CFAP44: variants seen among roughly 807,000 people sequenced by gnomAD.
CFAP44 encodes cilia and flagella associated protein 44.
CFAP44 carries 134 observed loss-of-function variants against 216.2 expected under a neutral mutation model. The ratio of observed to expected loss-of-function variants is 0.62; its 90% CI spans 0.54 to 0.72. CFAP44 has a LOEUF of 0.72. Ranked by LOEUF, CFAP44 falls within the 30% of genes least tolerant of loss-of-function variation. CFAP44 has a pLI of 0.00. For missense variants in CFAP44, 2,035 were observed against 2,182.1 expected (o/e 0.93, Z 1.34); for synonymous variants, 700 against 727.6 (o/e 0.96, Z 0.61).
At chr3:113,398,207 G>A (rs1446169181) in intron 13 of CFAP44, among the ~76,000 whole-genome samples, 2 of 152,186 alleles carry the variant, frequency 1.3e-5, no homozygotes, top group African/African-American at 4.8e-5. Flanking sequence ...AAACAGTCTA[G>A]TGGGAAGACA....
At chr3:113,324,214 A>G (rs1288022007) in intron 28 of CFAP44, among the ~76,000 whole-genome samples, 1 of 152,160 alleles carries the variant, frequency 6.6e-6, no homozygotes, top group East Asian at 1.9e-4. Flanking sequence ...TCCATGCAAG[A>G]TCTTCCAGAA....
chr3:113,324,084 C>A (rs1264270998), intron 28 of CFAP44, among the ~76,000 whole-genome samples: 1 of 147,430 alleles, frequency 6.8e-6, no homozygotes. Flanking sequence ...ATTTGAACAA[C>A]CCTATAACTA....
intron 31 of CFAP44, 122 bp from the exon 32 acceptor site, chr3:113,304,239 T>C (rs1178641444): frequency 4.2e-6 from 4 of 953,632 alleles, no homozygotes; most frequent in Non-Finnish European, 6.1e-6. Flanking sequence ...TTTGGGCTTC[T>C]ACGTCTTCCT....
intron 6 of CFAP44, 92 bp from the exon 7 acceptor site, chr3:113,409,414 G>A: frequency 1.7e-6 from 2 of 1,149,820 alleles, no homozygotes; most frequent in Middle Eastern, 2.4e-4. Flanking sequence ...GTCAGCCCAT[G>A]GTGATGTAAG....
At position 113,379,453 on chromosome 3, in the gene CFAP44, A is replaced by G; in HGVS notation, c.2151T>C (p.Asp717=). The change falls in exon 17 of 35, where the codon GAT becomes GAC. Residue 717 remains aspartate (D), a synonymous_variant. Coordinates refer to ENST00000393845, the MANE Select transcript of CFAP44 (RefSeq NM_001164496.2). ...CCTCCTCCTGAAATTCTTTTTCTCC[A>G]TCTTCTCCCATCTCTGCTGCTAGCT... ...RNKLAAEMGE[D]GEKEFQEEEE... is the part of the protein sequence containing the mutation. 1 of 1,611,152 alleles carries G rather than the reference A, an allele frequency of 6.2e-7. No homozygotes were observed. The highest frequency in any genetic ancestry group is 8.5e-7 in the Non-Finnish European group (1 of 1,177,720).
intron 2 of CFAP44, among the ~76,000 whole-genome samples, chr3:113,429,369 T>C (rs1344463289): frequency 6.6e-6 from 1 of 152,170 alleles, no homozygotes; most frequent in Non-Finnish European, 1.5e-5. Flanking sequence ...TTGATCCTTT[T>C]ACCCTTATGT....
chr3:113,365,851 G>A (rs1473195249), intron 19 of CFAP44, among the ~76,000 whole-genome samples, 188 bp downstream of exon 19: 1 of 151,710 alleles, frequency 6.6e-6, no homozygotes, highest in Non-Finnish European at 1.5e-5. Context: ...TAATAATAAG[G>A]GGAATGTAAT....
intron 34 of CFAP44, chr3:113,293,950 GC>G: frequency 4.4e-6 from 2 of 455,826 alleles, no homozygotes; most frequent in South Asian, 3.1e-5. Flanking sequence ...CTTAGCACCT[GC>G]ATTTTAAACA....
intron 4 of CFAP44, 95 bp downstream of exon 4, chr3:113,426,029 G>C: frequency 7.0e-7 from 1 of 1,430,960 alleles, no homozygotes; most frequent in Non-Finnish European, 9.5e-7. Flanking sequence ...AAACAGGTGG[G>C]AAGGCACATT....
intron 5 of CFAP44, chr3:113,417,194 G>A (rs1215812380): frequency 2.6e-5 from 4 of 152,202 alleles, no homozygotes; most frequent in African/African-American, 7.2e-5. Flanking sequence ...TTCATGGAAT[G>A]TATGGGATTC....
chr3:113,328,695 T>TAAAAAAAAAAA lies in CFAP44; in HGVS notation c.4117-877_4117-876insTTTTTTTTTTT, dbSNP rs1950210721. On this transcript the variant is annotated intron_variant, in intron 26 of 34. Coordinates refer to ENST00000393845, the MANE Select transcript of CFAP44 (RefSeq NM_001164496.2). ...AAACTACCAGAGAAATTTAGAGAGC[T>TAAAAAAAAAAA]TAAAAAAAAAAAAAAAAAAAAAAAA... 2.2e-4 allele frequency among the ~76,000 whole-genome samples: 16 copies of TAAAAAAAAAAA among 72,342 alleles called. 1 individual carries two copies. The highest frequency in any genetic ancestry group is 6.5e-4 in the African/African-American group (14 of 21,406). The allele number at this position is 72,342 out of a possible 152,430, so 47.5% of individuals were successfully genotyped here.
At chr3:113,335,990 A>G (rs1950279105) in intron 24 of CFAP44, among the ~76,000 whole-genome samples, 1 of 152,206 alleles carries the variant, frequency 6.6e-6, no homozygotes, top group Non-Finnish European at 1.5e-5. Context: ...AAGAAATCAC[A>G]AGGGATATTA....
chr3:113,385,782 G>A (rs995025591), intron 15 of CFAP44, among the ~76,000 whole-genome samples: 10 of 151,392 alleles, frequency 6.6e-5, no homozygotes, highest in African/African-American at 2.4e-4. Flanking sequence ...TGGGACTATA[G>A]GCATGCCACC....
intron 21 of CFAP44, among the ~76,000 whole-genome samples, chr3:113,360,042 C>T (rs1301189723): frequency 6.6e-6 from 1 of 151,442 alleles, no homozygotes; most frequent in Non-Finnish European, 1.5e-5. Context: ...GAGTTGATAA[C>T]CAGATTCAAA....
chr3:113,411,391 A>G (rs2107376793), intron 6 of CFAP44, among the ~76,000 whole-genome samples: 1 of 152,278 alleles, frequency 6.6e-6, no homozygotes, highest in African/African-American at 2.4e-5. Context: ...AGCACCATTT[A>G]TTAAATAGGG....
At chr3:113,355,293 G>C (rs34680203) in intron 22 of CFAP44, among the ~76,000 whole-genome samples, 19,216 of 152,216 alleles carry the variant, frequency 0.13, 1,254 homozygotes, top group Non-Finnish European at 0.15. Flanking sequence ...GGCCTAGGCG[G>C]GTGGATCACG....
At chr3:113,306,727 A>G (rs1949989152) in intron 29 of CFAP44, among the ~76,000 whole-genome samples, 1 of 152,176 alleles carries the variant, frequency 6.6e-6, no homozygotes, top group Non-Finnish European at 1.5e-5. Context: ...TATTTCCACA[A>G]TATCACACTA....
chr3:113,393,839 C>G (rs1458066305), intron 15 of CFAP44, among the ~76,000 whole-genome samples: 1 of 151,972 alleles, frequency 6.6e-6, no homozygotes, highest in East Asian at 1.9e-4. Flanking sequence ...CTTGCTTCCT[C>G]TCTCACCACA....
chr3:113,308,385 G>A lies in CFAP44; in HGVS notation c.4517-117C>T, dbSNP rs971553426. On this transcript the variant is annotated intron_variant, in intron 28 of 34. Transcript: ENST00000393845. Reference sequence around the variant, plus strand: ...TCACTAGAAAAATAACTCAATATAAGAGTTTAAAATGGTTAAGGACACAAA... The same window carrying A: ...TCACTAGAAAAATAACTCAATATAAAAGTTTAAAATGGTTAAGGACACAAA... The A allele has an allele frequency of 1.0e-5, 8 of 793,310 alleles. No individual in the cohort carries two copies. The African/African-American group carries it at 1.0e-4, about 10-fold the overall frequency. The allele number at this position is 793,310 out of a possible 1,614,324, so 49.1% of individuals were successfully genotyped here.
Sources: allele counts gnomAD v4.1 joint callset (sites outside exome capture counted in the v4.1 genomes callset), GRCh38; gene constraint gnomAD v4.1.1; transcripts MANE v1.5; gene names NCBI Gene and HGNC (gene_info 2026-07-23, HGNC 2026-07-21).